Variants in CCDC102B observed in about 807,000 individuals in gnomAD.
CCDC102B encodes the protein coiled-coil domain-containing protein 102B.
In CCDC102B, 75 loss-of-function variants were observed where a neutral mutation model predicts 57.4. That is an observed-to-expected ratio of 1.31 (90% CI 1.08 to 1.58). CCDC102B has a LOEUF of 1.58. Among genes scored for constraint, CCDC102B ranks in the 40% most tolerant of loss-of-function variants. The probability of loss-of-function intolerance (pLI) is 0.00; values close to 1 mark genes in which losing one functional copy is unlikely to be tolerated. For synonymous variants in CCDC102B, 206 were observed against 201.9 expected (o/e 1.02, Z -0.17); for missense variants, 636 against 582.6 (o/e 1.09, Z -0.94).
intron 6 of CCDC102B, among the ~76,000 whole-genome samples, chr18:68,988,119 CA>C (rs2050769367): frequency 6.6e-6 from 1 of 151,652 alleles, no homozygotes; most frequent in African/African-American, 2.4e-5. Flanking sequence ...GCACTATTCA[CA>C]AGAGCAAAGA....
At chr18:68,979,278 G>A (rs965106887) in intron 6 of CCDC102B, among the ~76,000 whole-genome samples, 6 of 152,002 alleles carry the variant, frequency 3.9e-5, no homozygotes, top group Admixed American at 3.3e-4. Flanking sequence ...TAGGCAAACA[G>A]GTTAGTATAT....
chr18:69,016,497 T>C (rs1169421119), intron 7 of CCDC102B, among the ~76,000 whole-genome samples: 1 of 152,062 alleles, frequency 6.6e-6, no homozygotes, highest in Non-Finnish European at 1.5e-5. Context: ...CATGCAAAAA[T>C]AGATAAAGGG....
intron 6 of CCDC102B, among the ~76,000 whole-genome samples, chr18:68,942,979 A>T (rs957706425): frequency 2.3e-5 from 3 of 132,704 alleles, no homozygotes; most frequent in African/African-American, 7.8e-5. Context: ...GAGAGTAGGG[A>T]GTGGTGATGA....
intron 6 of CCDC102B, among the ~76,000 whole-genome samples, chr18:68,921,702 G>A (rs1016406016): frequency 1.3e-5 from 2 of 152,136 alleles, no homozygotes; most frequent in East Asian, 3.9e-4. Flanking sequence ...GCCTCTGCTT[G>A]ACAGCCAGCA....
chr18:68,822,872 G>A (rs2036749798), intron 1 of CCDC102B, among the ~76,000 whole-genome samples: 1 of 151,910 alleles, frequency 6.6e-6, no homozygotes, highest in African/African-American at 2.4e-5. Context: ...AGGGTCTGGA[G>A]CCTAAGGCCA....
chr18:68,756,180 A>G (rs1205337838), intron 2 of CCDC102B, among the ~76,000 whole-genome samples: 2 of 151,906 alleles, frequency 1.3e-5, no homozygotes, highest in Non-Finnish European at 1.5e-5. Flanking sequence ...ATAAGAACAA[A>G]TAATATGAGA....
intron 4 of CCDC102B, among the ~76,000 whole-genome samples, chr18:68,851,382 G>A (rs2038116832): frequency 6.6e-6 from 1 of 152,098 alleles, no homozygotes; most frequent in Non-Finnish European, 1.5e-5. Flanking sequence ...AAAGAGTGAG[G>A]CAGATAAAAC....
chr18:68,930,624 A>G (rs1217578924), intron 6 of CCDC102B, among the ~76,000 whole-genome samples: 2 of 151,990 alleles, frequency 1.3e-5, no homozygotes, highest in South Asian at 2.1e-4. Context: ...TTGGGGAATA[A>G]CTACTATACT....
intron 2 of CCDC102B, among the ~76,000 whole-genome samples, chr18:68,765,342 A>G (rs1169558705): frequency 7.1e-6 from 1 of 140,732 alleles, no homozygotes; most frequent in Non-Finnish European, 1.5e-5. Flanking sequence ...AGAAAGAAAG[A>G]AAGAAAGAAA....
chr18:68,825,463 G>A (rs1301800351), intron 1 of CCDC102B, among the ~76,000 whole-genome samples: 29 of 152,252 alleles, frequency 1.9e-4, no homozygotes, highest in Admixed American at 1.6e-3. Context: ...GCCGAGGTGG[G>A]CAGTTCACTT....
intron 4 of CCDC102B, chr18:68,866,576 T>C: frequency 3.8e-6 from 1 of 266,054 alleles, no homozygotes; most frequent in Non-Finnish European, 7.5e-6. Context: ...AATTTAGCCC[T>C]CTGCTCTGTA....
chr18:68,769,082 C>A (rs1474966723), intron 2 of CCDC102B, among the ~76,000 whole-genome samples: 1 of 151,820 alleles, frequency 6.6e-6, no homozygotes, highest in Non-Finnish European at 1.5e-5. Context: ...GGAGAAACCC[C>A]ATCTCTACTA....
intron 2 of CCDC102B, among the ~76,000 whole-genome samples, chr18:68,719,471 A>G (rs759844446): frequency 5.9e-5 from 9 of 152,144 alleles, no homozygotes; most frequent in Non-Finnish European, 1.2e-4. Flanking sequence ...AAGCCCAAGA[A>G]CCAGGAGTAG....
At chr18:69,036,244 T>G (rs940855808) in intron 7 of CCDC102B, among the ~76,000 whole-genome samples, 1 of 152,152 alleles carries the variant, frequency 6.6e-6, no homozygotes, top group Non-Finnish European at 1.5e-5. Flanking sequence ...TTCTAATAAC[T>G]GTAATATCTT....
At chr18:68,754,321 T>G (rs982992589) in intron 2 of CCDC102B, 8 of 152,320 alleles carry the variant, frequency 5.3e-5, no homozygotes, top group Non-Finnish European at 1.0e-4. Context: ...GGTGTGTATA[T>G]TCCACATTTT....
intron 2 of CCDC102B, among the ~76,000 whole-genome samples, chr18:68,780,569 C>T (rs1189613489): frequency 6.6e-6 from 1 of 150,716 alleles, no homozygotes; most frequent in Non-Finnish European, 1.5e-5. Flanking sequence ...TGTTTTCAAT[C>T]ATTTTAAAAA....
intron 2 of CCDC102B, among the ~76,000 whole-genome samples, chr18:68,744,706 G>C (rs2033543881): frequency 6.6e-6 from 1 of 152,144 alleles, no homozygotes. Context: ...CCGGCTGCGT[G>C]GTTACCCCCA....
At chr18:68,759,613 A>AATCAGGGGTTTGTACAAACT (rs2034186595) in intron 2 of CCDC102B, among the ~76,000 whole-genome samples, 1 of 152,146 alleles carries the variant, frequency 6.6e-6, no homozygotes, top group African/African-American at 2.4e-5. Flanking sequence ...ATACACATTC[A>AATCAGGGGTTTGTACAAACT]AATTGTCAAT....
At chr18:68,876,448 T>C (rs1162381404) in intron 5 of CCDC102B, among the ~76,000 whole-genome samples, 1 of 152,204 alleles carries the variant, frequency 6.6e-6, no homozygotes, top group Non-Finnish European at 1.5e-5. Context: ...TTTTATTTAC[T>C]GACATAGTTA....
Sources: allele counts gnomAD v4.1 joint callset (sites outside exome capture counted in the v4.1 genomes callset), GRCh38; gene constraint gnomAD v4.1.1; transcripts MANE v1.5; gene names NCBI Gene and HGNC (gene_info 2026-07-23, HGNC 2026-07-21).